The following MYRIP variants were observed in gnomAD, a reference collection of about 807,000 sequenced individuals.
MYRIP encodes the protein myosin VIIA and Rab interacting protein.
MYRIP carries 49 observed loss-of-function variants against 98.0 expected under a neutral mutation model. The ratio of observed to expected loss-of-function variants is 0.50; its 90% confidence interval spans 0.40 to 0.63. The LOEUF is 0.63. Among genes scored for constraint, MYRIP ranks in the 30% least tolerant of loss-of-function variants. The pLI is 0.00. For synonymous variants in MYRIP, 404 were observed against 409.5 expected, an observed-to-expected ratio of 0.99 and a Z score of 0.16; for missense variants, 1,004 against 1,058.2, an observed-to-expected ratio of 0.95 and a Z score of 0.71.
intron 3 of MYRIP, among the ~76,000 whole-genome samples, chr3:40,055,087 A>C (rs1191808639): frequency 6.6e-6 from 1 of 152,174 alleles, no homozygotes; most frequent in Non-Finnish European, 1.5e-5. Context: ...TGGTAGGGAA[A>C]AAATGACAAA....
chr3:39,943,764 T>C (rs1433879721), intron 2 of MYRIP, among the ~76,000 whole-genome samples: 1 of 152,172 alleles, frequency 6.6e-6, no homozygotes, highest in African/African-American at 2.4e-5. Flanking sequence ...TGTGGATTCA[T>C]AGGGCCAAGA....
intron 3 of MYRIP, among the ~76,000 whole-genome samples, chr3:40,089,131 C>T (rs1948691516): frequency 6.6e-6 from 1 of 152,090 alleles, no homozygotes; most frequent in African/African-American, 2.4e-5. Flanking sequence ...CCTGGGATCC[C>T]TCTGGTGTAC....
At chr3:39,993,320 T>C (rs1340575929) in intron 2 of MYRIP, among the ~76,000 whole-genome samples, 1 of 152,212 alleles carries the variant, frequency 6.6e-6, no homozygotes, top group Non-Finnish European at 1.5e-5. Context: ...ACAATGATGA[T>C]TGAGTTTCCA....
At chr3:40,256,254 T>A (rs546938614) in intron 16 of MYRIP, among the ~76,000 whole-genome samples, 3 of 152,344 alleles carry the variant, frequency 2.0e-5, no homozygotes, top group Admixed American at 6.5e-5. Flanking sequence ...TGTACTCATA[T>A]ACACAACTGT....
intron 3 of MYRIP, among the ~76,000 whole-genome samples, chr3:40,084,040 G>C (rs1948543031): frequency 1.3e-5 from 2 of 149,204 alleles, no homozygotes; most frequent in South Asian, 4.2e-4. Context: ...AGGAGGCTGA[G>C]GCAGGAGAAT....
intron 2 of MYRIP, among the ~76,000 whole-genome samples, chr3:40,035,442 G>C (rs933573642): frequency 2.6e-5 from 4 of 151,874 alleles, no homozygotes; most frequent in South Asian, 2.1e-4. Context: ...ATAAAAAGCA[G>C]TCTTGACTGG....
intron 3 of MYRIP, among the ~76,000 whole-genome samples, chr3:40,127,370 A>G (rs968102210): frequency 1.3e-5 from 2 of 152,124 alleles, no homozygotes; most frequent in African/African-American, 4.8e-5. Context: ...TCGGTGGTAA[A>G]TGGTAAAGTG....
At chr3:40,198,340 T>C (rs1951457487) in intron 10 of MYRIP, among the ~76,000 whole-genome samples, 2 of 152,206 alleles carry the variant, frequency 1.3e-5, no homozygotes, top group African/African-American at 4.8e-5. Flanking sequence ...GGTGAGCATT[T>C]ATCTTAATAT....
intron 1 of MYRIP, among the ~76,000 whole-genome samples, chr3:39,877,096 C>T (rs947942567): frequency 6.6e-6 from 1 of 152,130 alleles, no homozygotes; most frequent in African/African-American, 2.4e-5. Flanking sequence ...TTCATTTGAT[C>T]TTCCATCACT....
At chr3:40,257,556 T>C (rs1953638863) in intron 16 of MYRIP, among the ~76,000 whole-genome samples, 1 of 152,174 alleles carries the variant, frequency 6.6e-6, no homozygotes, top group South Asian at 2.1e-4. Flanking sequence ...ACATCAACAG[T>C]TCAATAAGAA....
chr3:40,003,092 G>A (rs1247632878), intron 2 of MYRIP, among the ~76,000 whole-genome samples: 7 of 151,264 alleles, frequency 4.6e-5, no homozygotes, highest in Non-Finnish European at 1.0e-4. Flanking sequence ...TACATTTGTA[G>A]ATATCTATAT....
intron 10 of MYRIP, among the ~76,000 whole-genome samples, chr3:40,198,733 G>C (rs1022961035): frequency 2.0e-5 from 3 of 151,922 alleles, no homozygotes; most frequent in Admixed American, 6.6e-5. Flanking sequence ...TGTTTTCTTG[G>C]GGTAAACTTT....
chr3:40,113,207 G>T (rs1350246486), intron 3 of MYRIP, among the ~76,000 whole-genome samples: 1 of 152,202 alleles, frequency 6.6e-6, no homozygotes, highest in African/African-American at 2.4e-5. Flanking sequence ...GCAGTGGTGC[G>T]ATCTTGGCTC....
At chr3:39,824,642 C>G (rs919241080) in intron 1 of MYRIP, among the ~76,000 whole-genome samples, 1 of 150,720 alleles carries the variant, frequency 6.6e-6, no homozygotes, top group African/African-American at 2.4e-5. Context: ...AATGGGATTG[C>G]CTTCTGGATT....
At chr3:39,876,837 G>A (rs1258592821) in intron 1 of MYRIP, among the ~76,000 whole-genome samples, 30 of 151,960 alleles carry the variant, frequency 2.0e-4, no homozygotes, top group African/African-American at 4.3e-4. Flanking sequence ...TGCTCTTCTC[G>A]AGGAGTATCT....
intron 11 of MYRIP, 44 bp downstream of exon 11, chr3:40,210,137 G>T: frequency 1.3e-6 from 2 of 1,592,892 alleles, no homozygotes; most frequent in Admixed American, 1.8e-5. Context: ...AGCTTCTGCA[G>T]TGGGGTGTTG....
intron 2 of MYRIP, among the ~76,000 whole-genome samples, chr3:40,027,046 C>A (rs1947147411): frequency 6.6e-6 from 1 of 152,140 alleles, no homozygotes; most frequent in Non-Finnish European, 1.5e-5. Context: ...AGCCCTTCCT[C>A]TGAGCTGCTA....
chr3:39,899,952 C>G (rs1002726444), intron 1 of MYRIP, among the ~76,000 whole-genome samples: 8 of 152,146 alleles, frequency 5.3e-5, no homozygotes, highest in Middle Eastern at 3.2e-3. Context: ...TCCCAAGTAG[C>G]TGGGACTACA....
chr3:40,164,443 C>T (rs891358831), intron 5 of MYRIP, among the ~76,000 whole-genome samples: 6 of 152,196 alleles, frequency 3.9e-5, no homozygotes, highest in African/African-American at 1.4e-4. Flanking sequence ...CTGAATTTCT[C>T]CTCTAGGAAA....
Sources: gnomAD v4.1 joint callset for allele counts (sites outside exome capture counted in the v4.1 genomes callset) on GRCh38, gnomAD v4.1.1 for gene constraint, MANE v1.5 for transcripts, NCBI Gene and HGNC (gene_info 2026-07-23, HGNC 2026-07-21) for gene names.